LRRC8D: variants seen among roughly 807,000 people sequenced by gnomAD.
The protein encoded by LRRC8D is volume-regulated anion channel subunit LRRC8D.
A neutral mutation model predicts 55.8 loss-of-function variants in LRRC8D; 20 were observed. That is an observed-to-expected ratio of 0.36 (90% CI 0.25 to 0.52). The LOEUF is 0.52. Ranked by LOEUF, LRRC8D falls within the 20% of genes least tolerant of loss-of-function variation. The probability of loss-of-function intolerance (pLI) is 0.93; values close to 1 mark genes in which losing one functional copy is unlikely to be tolerated. For synonymous variants in LRRC8D, 352 were observed against 377.0 expected (o/e 0.93, Z 0.77); for missense variants, 651 against 1,030.8 (o/e 0.63, Z 5.05).
At chr1:89,887,084 A>C (rs1288226768) in intron 2 of LRRC8D, among the ~76,000 whole-genome samples, 1 of 152,204 alleles carries the variant, frequency 6.6e-6, no homozygotes, top group Non-Finnish European at 1.5e-5. Context: ...GGGAGAATAA[A>C]TGATTAAATA....
intron 2 of LRRC8D, among the ~76,000 whole-genome samples, chr1:89,904,422 G>A (rs546530293): frequency 5.3e-5 from 8 of 152,262 alleles, no homozygotes; most frequent in African/African-American, 1.2e-4. Context: ...GTGCCTTTTC[G>A]GTTCAGCCCA....
At chr1:89,905,887 A>T (rs1336387751) in intron 2 of LRRC8D, among the ~76,000 whole-genome samples, 1 of 152,210 alleles carries the variant, frequency 6.6e-6, no homozygotes, top group East Asian at 1.9e-4. Context: ...GCGATGTAAC[A>T]TGAAGAGAGT....
At chr1:89,846,558 T>G (rs540854814) in intron 2 of LRRC8D, 2 of 152,290 alleles carry the variant, frequency 1.3e-5, no homozygotes, top group South Asian at 4.1e-4. Context: ...CAGTGCTGAT[T>G]CAGGTGGTCC....
rs150948455 is a variant in LRRC8D at position 89,910,606 on chromosome 1, G to A, written c.-2-22461G>A. ...GTTAATCTCTAGTTTAAAATAAGCTGAGGGGGCAGGTATGGGCTTCATAGT... is the reference window on the plus strand; with the variant it reads ...GTTAATCTCTAGTTTAAAATAAGCTAAGGGGGCAGGTATGGGCTTCATAGT... On this transcript the variant is annotated intron_variant, in intron 2 of 2. Coordinates refer to ENST00000337338, the MANE Select transcript of LRRC8D (RefSeq NM_001134479.2). Among the ~76,000 whole-genome samples the A allele has an allele frequency of 2.9e-3, 444 of 152,250 alleles. 4 individuals are homozygous for A. The highest frequency in any genetic ancestry group is 0.01 in the African/African-American group (417 of 41,548).
At chr1:89,897,537 C>T (rs1662742440) in intron 2 of LRRC8D, among the ~76,000 whole-genome samples, 1 of 152,146 alleles carries the variant, frequency 6.6e-6, no homozygotes, top group Non-Finnish European at 1.5e-5. Context: ...AAGCATGATA[C>T]ATATTGCACA....
intron 2 of LRRC8D, among the ~76,000 whole-genome samples, chr1:89,902,487 G>A (rs1662887292): frequency 6.6e-6 from 1 of 151,666 alleles, no homozygotes; most frequent in South Asian, 2.1e-4. Flanking sequence ...GAATGACCAA[G>A]TTGAGTCCCT....
chr1:89,825,899 A>G (rs575067724), intron 1 of LRRC8D, among the ~76,000 whole-genome samples: 1 of 152,344 alleles, frequency 6.6e-6, no homozygotes, highest in Non-Finnish European at 1.5e-5. Context: ...GGAGAGCTAG[A>G]GGAAAATTTC....
intron 1 of LRRC8D, among the ~76,000 whole-genome samples, chr1:89,834,995 G>T (rs554982787): frequency 3.3e-5 from 5 of 152,346 alleles, no homozygotes; most frequent in African/African-American, 1.2e-4. Context: ...TTATTCCATT[G>T]AAGGTTCTTG....
chr1:89,927,167 G>A lies in LRRC8D; in HGVS notation c.-2-5900G>A, dbSNP rs60945648. 3.5e-3 allele frequency among the ~76,000 whole-genome samples: 527 copies of A among 152,372 alleles called. 16 individuals carry two copies. The East Asian group carries it at 0.089, about 26-fold the overall frequency. On this transcript the variant is annotated intron_variant, in intron 2 of 2. Coordinates refer to ENST00000337338, the MANE Select transcript of LRRC8D (RefSeq NM_001134479.2). ...TAGTGAGGGGAGACCACCAGAGGAAGAGACAGGCTTCCCTGGCATGTAATC... is the reference window on the plus strand; with the variant it reads ...TAGTGAGGGGAGACCACCAGAGGAAAAGACAGGCTTCCCTGGCATGTAATC...
chr1:89,842,556 G>C (rs1661162464), intron 1 of LRRC8D, among the ~76,000 whole-genome samples: 1 of 152,178 alleles, frequency 6.6e-6, no homozygotes, highest in African/African-American at 2.4e-5. Context: ...TCTCCATTTT[G>C]AGTATGGAAC....
At chr1:89,874,102 T>C (rs1483902358) in intron 2 of LRRC8D, among the ~76,000 whole-genome samples, 1 of 152,224 alleles carries the variant, frequency 6.6e-6, no homozygotes, top group African/African-American at 2.4e-5. Context: ...TTCACTCAAA[T>C]ATTTGTGAGG....
chr1:89,843,385 G>T (rs1661184862), intron 1 of LRRC8D: 2 of 309,830 alleles, frequency 6.5e-6, no homozygotes, highest in East Asian at 5.3e-5. Flanking sequence ...GGCTGTGAGC[G>T]AGCGGGCGGG....
At chr1:89,853,100 G>A (rs1327831845) in intron 2 of LRRC8D, among the ~76,000 whole-genome samples, 3 of 152,222 alleles carry the variant, frequency 2.0e-5, no homozygotes, top group Admixed American at 2.0e-4. Context: ...AAACTAAGGT[G>A]ATGAAGGTGA....
In LRRC8D at chr1:89,934,784, C is replaced by T; in HGVS notation, c.1716C>T (p.Asn572=). 1 of 1,614,130 alleles carries T rather than the reference C, an allele frequency of 6.2e-7. No homozygotes were observed. Among genetic ancestry groups the T allele is most frequent in the Non-Finnish European group, 8.5e-7 (1 of 1,180,034 alleles). The stretch of plus-strand genomic sequence containing the variant: ...AGTTGTACTTAATAGGCAATTTGAA[C>T]TCTGAAAACAATAAGATGATAGGAC... ...LRELYLIGNL[N]SENNKMIGLE... The change falls in exon 3 of 3, where the codon AAC becomes AAT. Residue 572 remains asparagine, a synonymous_variant. Transcript: ENST00000337338. The surrounding 1 kb of genome is among the most constrained non-coding windows in gnomAD (Gnocchi z 5.9).
chr1:89,905,364 G>A (rs1662962822), intron 2 of LRRC8D, among the ~76,000 whole-genome samples: 1 of 152,168 alleles, frequency 6.6e-6, no homozygotes, highest in Non-Finnish European at 1.5e-5. Context: ...TTTATGGGAT[G>A]GAATATGGTC....
intron 1 of LRRC8D, among the ~76,000 whole-genome samples, chr1:89,841,908 T>C (rs1661142010): frequency 6.6e-6 from 1 of 152,120 alleles, no homozygotes; most frequent in Non-Finnish European, 1.5e-5. Flanking sequence ...TGCTGGACTT[T>C]CTCCCTAGAA....
chr1:89,922,616 G>A (rs954321943), intron 2 of LRRC8D, among the ~76,000 whole-genome samples: 11 of 152,094 alleles, frequency 7.2e-5, no homozygotes, highest in African/African-American at 2.7e-4. Flanking sequence ...CCTAAACCAG[G>A]TGTTCCTAAT....
At chr1:89,873,635 A>G (rs1316032520) in intron 2 of LRRC8D, among the ~76,000 whole-genome samples, 2 of 152,224 alleles carry the variant, frequency 1.3e-5, no homozygotes, top group Non-Finnish European at 2.9e-5. Context: ...AATATGAAAC[A>G]TATCTTTGTC....
chr1:89,840,872 G>A (rs953444231), intron 1 of LRRC8D, among the ~76,000 whole-genome samples: 6 of 151,886 alleles, frequency 4.0e-5, no homozygotes, highest in Non-Finnish European at 8.8e-5. Context: ...TTTTCCTTGG[G>A]CTCTTAGATA....
Sources: gnomAD v4.1 joint callset for allele counts (sites outside exome capture counted in the v4.1 genomes callset) on GRCh38, gnomAD v4.1.1 for gene constraint, Gnocchi (gnomAD v3.1) non-coding constraint, MANE v1.5 for transcripts, NCBI Gene and HGNC (gene_info 2026-07-23, HGNC 2026-07-21) for gene names.